The following PLA2G4A variants were observed in gnomAD, a reference collection of about 807,000 sequenced individuals.
PLA2G4A encodes phospholipase A2 group IVA.
A neutral mutation model predicts 81.9 loss-of-function variants in PLA2G4A; 40 were observed. The observed-to-expected ratio is 0.49, with a 90% CI of 0.38 to 0.64. The LOEUF is 0.64. PLA2G4A is among the 30% of genes least tolerant of loss of function. The pLI, the probability that PLA2G4A is intolerant of heterozygous loss-of-function variation, is 0.00. For missense variants in PLA2G4A, 715 were observed against 905.1 expected, an observed-to-expected ratio of 0.79 and a Z score of 2.69; for synonymous variants, 302 against 296.9, an observed-to-expected ratio of 1.02 and a Z score of -0.18.
chr1:186,949,404 G>GCAAAAAGA, intron 12 of PLA2G4A, among the ~76,000 whole-genome samples: 1 of 147,156 alleles, frequency 6.8e-6, no homozygotes, highest in Non-Finnish European at 1.5e-5. Context: ...GAAAAAGAAA[G>GCAAAAAGA]AAGAAAGAAA....
intron 7 of PLA2G4A, among the ~76,000 whole-genome samples, chr1:186,920,836 T>G (rs1270642620): frequency 6.6e-6 from 1 of 152,242 alleles, no homozygotes; most frequent in Admixed American, 6.5e-5. Context: ...TGCATCTCTA[T>G]TCACAAATAC....
intron 15 of PLA2G4A, among the ~76,000 whole-genome samples, chr1:186,972,863 A>T (rs755495934): frequency 5.3e-5 from 8 of 152,216 alleles, no homozygotes; most frequent in Non-Finnish European, 1.0e-4. Context: ...ATTTAAACCC[A>T]CTAAAAACGG....
intron 7 of PLA2G4A, among the ~76,000 whole-genome samples, chr1:186,922,849 G>A (rs1655401958): frequency 6.6e-6 from 1 of 152,214 alleles, no homozygotes; most frequent in African/African-American, 2.4e-5. Flanking sequence ...TGAGTGGGTT[G>A]TGATCGATTG....
chr1:186,925,831 T>C (rs1377080276), intron 7 of PLA2G4A, among the ~76,000 whole-genome samples: 1 of 152,242 alleles, frequency 6.6e-6, no homozygotes. Flanking sequence ...GTGACTGTTT[T>C]CTCCATTAGA....
chr1:186,887,302 T>C (rs567840311), intron 3 of PLA2G4A, among the ~76,000 whole-genome samples: 1 of 152,248 alleles, frequency 6.6e-6, no homozygotes, highest in South Asian at 2.1e-4. Context: ...ATATTTAAAA[T>C]AGAGCTAGGA....
chr1:186,939,717 C>T (rs1049393444), intron 9 of PLA2G4A, among the ~76,000 whole-genome samples: 4 of 152,114 alleles, frequency 2.6e-5, no homozygotes, highest in Admixed American at 6.6e-5. Context: ...TAAGTTTCTT[C>T]CAGGCTCCAC....
At chr1:186,931,372 A>G (rs905266315) in intron 7 of PLA2G4A, among the ~76,000 whole-genome samples, 1 of 152,084 alleles carries the variant, frequency 6.6e-6, no homozygotes, top group Non-Finnish European at 1.5e-5. Flanking sequence ...TTTGATGCCT[A>G]GTGTTTTTTG....
At chr1:186,847,327 A>T (rs1324442530) in intron 1 of PLA2G4A, among the ~76,000 whole-genome samples, 1 of 149,632 alleles carries the variant, frequency 6.7e-6, no homozygotes, top group Non-Finnish European at 1.5e-5. Flanking sequence ...CCTCCATTCC[A>T]TCTCCTTTCT....
intron 6 of PLA2G4A, among the ~76,000 whole-genome samples, chr1:186,909,835 C>T (rs1035662968): frequency 6.6e-6 from 1 of 151,890 alleles, no homozygotes; most frequent in Non-Finnish European, 1.5e-5. Flanking sequence ...GATAGGTTTC[C>T]AGAAGTAGAA....
intron 7 of PLA2G4A, among the ~76,000 whole-genome samples, chr1:186,921,854 G>A (rs2102180323): frequency 6.6e-6 from 1 of 152,170 alleles, no homozygotes; most frequent in Middle Eastern, 3.4e-3. Flanking sequence ...GACCACTGTG[G>A]GGGGTCCAAA....
intron 7 of PLA2G4A, among the ~76,000 whole-genome samples, chr1:186,915,858 T>A (rs1000811600): frequency 4.6e-5 from 7 of 152,184 alleles, no homozygotes; most frequent in African/African-American, 1.7e-4. Flanking sequence ...GAGTGAATTT[T>A]TTTCCTTCTC....
At chr1:186,866,851 G>A (rs1256199247) in intron 2 of PLA2G4A, among the ~76,000 whole-genome samples, 1 of 152,064 alleles carries the variant, frequency 6.6e-6, no homozygotes, top group South Asian at 2.1e-4. Context: ...AGATTTTCAA[G>A]AGCATTTTCT....
intron 5 of PLA2G4A, among the ~76,000 whole-genome samples, chr1:186,898,183 A>G (rs1654409613): frequency 6.6e-6 from 1 of 152,108 alleles, no homozygotes; most frequent in African/African-American, 2.4e-5. Flanking sequence ...TAATTTAAAG[A>G]TACTAACTTG....
chr1:186,916,582 T>C (rs536009608), intron 7 of PLA2G4A, among the ~76,000 whole-genome samples: 67 of 152,344 alleles, frequency 4.4e-4, no homozygotes, highest in Middle Eastern at 6.8e-3. Context: ...TTCTGGCTAA[T>C]ACTTTACTTG....
At chr1:186,949,779 T>C (rs1178143823) in intron 12 of PLA2G4A, among the ~76,000 whole-genome samples, 1 of 152,020 alleles carries the variant, frequency 6.6e-6, no homozygotes, top group Non-Finnish European at 1.5e-5. Context: ...CCCAGTTCTT[T>C]GGGAGGCCAA....
chr1:186,919,514 G>T (rs527840666), intron 7 of PLA2G4A, among the ~76,000 whole-genome samples: 2 of 152,132 alleles, frequency 1.3e-5, no homozygotes, highest in African/African-American at 2.4e-5. Context: ...GGTCGTCCAC[G>T]TACAGGAGCA....
intron 8 of PLA2G4A, among the ~76,000 whole-genome samples, chr1:186,934,886 T>A (rs935981646): frequency 1.3e-5 from 2 of 152,022 alleles, no homozygotes; most frequent in African/African-American, 4.8e-5. Context: ...ATTTCTCTCC[T>A]TAATGTGGGC....
chr1:186,866,586 A>G (rs1215579725), intron 2 of PLA2G4A, among the ~76,000 whole-genome samples: 2 of 152,180 alleles, frequency 1.3e-5, no homozygotes, highest in African/African-American at 2.4e-5. Flanking sequence ...ATCTTTTTGT[A>G]CATGTTATTA....
At chr1:186,829,231 C>T (rs143250772) in intron 1 of PLA2G4A, among the ~76,000 whole-genome samples, 196 bp downstream of exon 1, 1 of 152,172 alleles carries the variant, frequency 6.6e-6, no homozygotes, top group Admixed American at 6.5e-5. Context: ...TTTCTTCAAA[C>T]CCACGCAGAT....
Sources: gnomAD v4.1 joint callset for allele counts (sites outside exome capture counted in the v4.1 genomes callset) on GRCh38, gnomAD v4.1.1 for gene constraint, MANE v1.5 for transcripts, NCBI Gene and HGNC (gene_info 2026-07-23, HGNC 2026-07-21) for gene names.